Variants in POTEC observed in about 807,000 individuals in gnomAD.
POTEC encodes POTE ankyrin domain family member C.
POTEC carries 35 observed loss-of-function variants against 62.0 expected under a neutral mutation model. The ratio of observed to expected loss-of-function variants is 0.56; its 90% confidence interval spans 0.43 to 0.75. POTEC has a LOEUF of 0.75. Among genes scored for constraint, POTEC ranks in the 30% least tolerant of loss-of-function variants. POTEC has a pLI of 0.00. For missense variants in POTEC, 472 were observed against 655.9 expected (o/e 0.72, Z 3.06); for synonymous variants, 156 against 221.5 (o/e 0.70, Z 2.62).
chr18:14,512,509 AGCATT>A (rs1404043258), intron 10 of POTEC, among the ~76,000 whole-genome samples: 5 of 152,250 alleles, frequency 3.3e-5, no homozygotes, highest in Admixed American at 6.5e-5. Context: ...GTTAAATCTA[AGCATT>A]GTACCCTTCT....
At chr18:14,540,217 A>G (rs1412129466) in intron 1 of POTEC, among the ~76,000 whole-genome samples, 2 of 152,140 alleles carry the variant, frequency 1.3e-5, no homozygotes, top group Non-Finnish European at 2.9e-5. Flanking sequence ...AAGAGGGTAA[A>G]AGTTCACAGA....
intron 9 of POTEC, among the ~76,000 whole-genome samples, chr18:14,518,270 C>T (rs985003402): frequency 6.6e-6 from 1 of 151,172 alleles, no homozygotes; most frequent in Non-Finnish European, 1.5e-5. Flanking sequence ...TAACAACAGA[C>T]AGATAAGGCA....
intron 10 of POTEC, among the ~76,000 whole-genome samples, chr18:14,512,556 CT>C (rs1225626417): frequency 6.6e-6 from 1 of 152,226 alleles, no homozygotes; most frequent in Non-Finnish European, 1.5e-5. Flanking sequence ...AAGCATTGCA[CT>C]TCTACCTACA....
chr18:14,519,163 G>C (rs908857620), intron 9 of POTEC, among the ~76,000 whole-genome samples: 1 of 152,080 alleles, frequency 6.6e-6, no homozygotes, highest in Non-Finnish European at 1.5e-5. Flanking sequence ...GAGAGAGAGA[G>C]ATGAGTCAAG....
At position 14,508,799 on chromosome 18, in the gene POTEC, T is replaced by G. The variant is rs572928789; in HGVS notation, c.*3099A>C. ...GCAGTCATTTGGAGAAAAGAAGGTA[T>G]GCTGAATTTTTGAGTTTTCAGTGTT... is the stretch of plus-strand genomic sequence containing the variant. On this transcript the variant is annotated 3_prime_UTR_variant, in exon 11 of 11. Coordinates refer to ENST00000358970, the MANE Select transcript of POTEC (RefSeq NM_001137671.2). 3 of 152,706 alleles carry G rather than the reference T, an allele frequency of 2.0e-5. No individual in the cohort carries two copies. Among genetic ancestry groups the G allele is most frequent in the Admixed American group, 1.3e-4 (2 of 15,308 alleles). The allele number at this position is 152,706 out of a possible 1,614,324, so 9.5% of individuals were successfully genotyped here.
Position 14,509,585 on chromosome 18 carries a change from T to C in POTEC, c.*2313A>G, listed in dbSNP as rs1415053848. 1.3e-5 allele frequency: 2 copies of C among 152,210 alleles called. No homozygotes were observed. The highest frequency in any genetic ancestry group is 2.9e-5 in the Non-Finnish European group (2 of 68,102). The allele number at this position is 152,210 out of a possible 1,614,324, so 9.4% of individuals were successfully genotyped here. On this transcript the variant is annotated 3_prime_UTR_variant, in exon 11 of 11. Coordinates refer to ENST00000358970, the MANE Select transcript of POTEC (RefSeq NM_001137671.2). Reference sequence around the variant, plus strand: ...TATGGAATGGTAATGTGCAGGCTAGTGCGTGGCTGTAGAGGTCACCTTGCT... The same window carrying C: ...TATGGAATGGTAATGTGCAGGCTAGCGCGTGGCTGTAGAGGTCACCTTGCT...
At chr18:14,535,408 T>C (rs1435117573) in intron 3 of POTEC, among the ~76,000 whole-genome samples, 1 of 151,862 alleles carries the variant, frequency 6.6e-6, no homozygotes, top group Non-Finnish European at 1.5e-5. Context: ...ATGTAAAATA[T>C]TTCTTTAGTT....
In POTEC at chr18:14,542,738, G is replaced by C. The variant is rs1192374736; in HGVS notation, c.409C>G (p.Arg137Gly). 1 of 1,613,340 alleles carries C rather than the reference G, an allele frequency of 6.2e-7. No individual in the cohort carries two copies. ...CTGTGGAGCTTGTCCAGATCTTCTCGACGGACGTGGTACCTCGGCTCCATG... is the reference window on the plus strand; with the variant it reads ...CTGTGGAGCTTGTCCAGATCTTCTCCACGGACGTGGTACCTCGGCTCCATG... Reference protein sequence around the residue: ...AFMEPRYHVRREDLDKLHRAA... With the variant: ...AFMEPRYHVRGEDLDKLHRAA... The change falls in exon 1 of 11, where the codon CGA (arginine) becomes GGA (glycine). Residue 137 changes from arginine to glycine, a missense_variant. Arg to Gly is a moderately radical substitution (Grantham distance 125, BLOSUM62 -2). This residue lies in a region of POTEC where 257 missense variants were observed against 250.7 expected (regional missense o/e 1.03). Transcript: ENST00000358970.
At position 14,511,967 on chromosome 18, in the gene POTEC, T is replaced by G. The variant is rs563906904; in HGVS notation, c.1560A>C (p.Glu520Asp). ...ACATGCTGTTTTCACGCAAGAGATC[T>G]TCTTCTTTCTTATGACTAAGAGAAA... ...SELSLSHKKE[E>D]DLLRENSMLQ... The change falls in exon 11 of 11, where the codon GAA becomes GAC. Residue 520 changes from glutamate (E) to aspartate (D), a missense_variant. By Grantham distance (45) the Glu-to-Asp change is conservative. This residue lies in a region of POTEC where 67 missense variants were observed against 58.3 expected (regional missense o/e 1.15). Coordinates refer to ENST00000358970, the MANE Select transcript of POTEC (RefSeq NM_001137671.2). 6.8e-6 allele frequency: 11 copies of G among 1,613,628 alleles called. No individual in the cohort carries two copies. The highest frequency in any genetic ancestry group is 9.3e-6 in the Non-Finnish European group (11 of 1,179,710).
At chr18:14,528,795 T>C in intron 6 of POTEC, 2 of 371,812 alleles carry the variant, frequency 5.4e-6, no homozygotes, top group Non-Finnish European at 1.1e-5. Flanking sequence ...CTCATTTCTA[T>C]AGTATTTAAA....
chr18:14,511,802 G>A lies in POTEC; in HGVS notation c.*96C>T. ...TTCGTTAATGCTTCTTCATTCAATT[G>A]CATAGCCCTTAGAAGTTTATCAGTC... is the stretch of plus-strand genomic sequence containing the variant. On this transcript the variant is annotated 3_prime_UTR_variant, in exon 11 of 11. Transcript: ENST00000358970. The A allele has an allele frequency of 8.0e-7, 1 of 1,252,582 alleles. No individual in the cohort carries two copies. The highest frequency in any genetic ancestry group is 1.2e-5 in the South Asian group (1 of 82,546). 77.6% of individuals were successfully genotyped at this position (1,252,582 alleles called of 1,614,324 possible).
At chr18:14,515,050 A>C (rs975140257) in intron 9 of POTEC, among the ~76,000 whole-genome samples, 3 of 152,186 alleles carry the variant, frequency 2.0e-5, no homozygotes, top group Non-Finnish European at 2.9e-5. Context: ...GAAGAAAATC[A>C]CAGATGATAC....
At chr18:14,516,337 C>T (rs11080770) in intron 9 of POTEC, among the ~76,000 whole-genome samples, 329 of 22,828 alleles carry the variant, frequency 0.014, 4 homozygotes, top group East Asian at 0.019. Context: ...TATATATATA[C>T]CTATACCTGA....
intron 10 of POTEC, 34 bp downstream of exon 10, chr18:14,513,628 T>C (rs1185364542): frequency 1.2e-6 from 2 of 1,606,944 alleles, no homozygotes; most frequent in Non-Finnish European, 8.5e-7. Context: ...TATATACACA[T>C]ATGAAAACAT....
chr18:14,542,124 G>A (rs1184298405), intron 1 of POTEC, among the ~76,000 whole-genome samples: 8 of 152,038 alleles, frequency 5.3e-5, no homozygotes, highest in Middle Eastern at 3.4e-3. Context: ...TAAGAAAAAC[G>A]AACCTTCCTA....
At chr18:14,533,282 CA>C (rs1905590766) in intron 4 of POTEC, 84 bp from the exon 5 acceptor site, 1 of 1,561,698 alleles carries the variant, frequency 6.4e-7, no homozygotes, top group African/African-American at 1.4e-5. Flanking sequence ...ACCAATTTAA[CA>C]TCTTGCCTGT....
rs919326481 is a variant in POTEC, at chr18:14,523,352, A to T, written c.1242+111T>A. The T allele has an allele frequency of 2.9e-5, 36 of 1,245,172 alleles. No homozygotes were observed. In the African/African-American group the frequency reaches 4.9e-4, roughly 17 times the overall value. 77.1% of individuals were successfully genotyped at this position (1,245,172 alleles called of 1,614,324 possible). A position where few individuals can be genotyped will look rare whatever the true frequency, so the allele number is the denominator to read the frequency against. On this transcript the variant is annotated intron_variant, in intron 8 of 10. Transcript: ENST00000358970. Reference sequence around the variant, plus strand: ...TCAAATATTAAATTTTTCACTGGTGATTTATGCTACTTACATGATAGGATC... The same window carrying T: ...TCAAATATTAAATTTTTCACTGGTGTTTTATGCTACTTACATGATAGGATC...
intron 9 of POTEC, 90 bp from the exon 10 acceptor site, chr18:14,513,875 A>C: frequency 1.3e-6 from 2 of 1,590,874 alleles, no homozygotes; most frequent in Non-Finnish European, 1.7e-6. Flanking sequence ...TCATTCACAC[A>C]ATGCATATCT....
At chr18:14,516,967 CAA>C (rs1910181774) in intron 9 of POTEC, among the ~76,000 whole-genome samples, 1 of 150,630 alleles carries the variant, frequency 6.6e-6, no homozygotes, top group African/African-American at 2.5e-5. Flanking sequence ...CATGAACTGA[CAA>C]AGAGACTAAA....
Sources: gnomAD v4.1 joint callset for allele counts (sites outside exome capture counted in the v4.1 genomes callset) on GRCh38, gnomAD v4.1.1 for gene constraint, gnomAD v4.1.1 regional missense constraint, MANE v1.5 for transcripts, NCBI Gene and HGNC (gene_info 2026-07-23, HGNC 2026-07-21) for gene names.